The following TDRD9 variants were observed in gnomAD, a reference collection of about 807,000 sequenced individuals.
TDRD9 encodes the protein ATP-dependent RNA helicase TDRD9.
A neutral mutation model predicts 172.6 loss-of-function variants in TDRD9; 124 were observed. The ratio of observed to expected loss-of-function variants is 0.72; its 90% CI spans 0.62 to 0.83. The LOEUF is 0.83. Ranked by LOEUF, TDRD9 falls within the 40% of genes least tolerant of loss-of-function variation. The pLI, the probability that TDRD9 is intolerant of heterozygous loss-of-function variation, is 0.00. For missense variants in TDRD9, 1,479 were observed against 1,714.1 expected, an observed-to-expected ratio of 0.86 and a Z score of 2.42; for synonymous variants, 619 against 617.1, an observed-to-expected ratio of 1.00 and a Z score of -0.05.
At chr14:104,004,071 CTTA>C (rs2034351652) in intron 13 of TDRD9, among the ~76,000 whole-genome samples, 164 bp from the exon 14 acceptor site, 1 of 151,984 alleles carries the variant, frequency 6.6e-6, no homozygotes, top group South Asian at 2.1e-4. Context: ...AAAATAATAA[CTTA>C]TTAAGAATAC....
At chr14:104,047,089 A>G (rs1566807870) in intron 34 of TDRD9, among the ~76,000 whole-genome samples, 1 of 152,108 alleles carries the variant, frequency 6.6e-6, no homozygotes, top group Non-Finnish European at 1.5e-5. Flanking sequence ...TTTGGGGAGA[A>G]TTGCCATCCT....
intron 4 of TDRD9, 66 bp downstream of exon 4, chr14:103,965,620 G>T (rs1555366011): frequency 2.1e-6 from 3 of 1,403,964 alleles, no homozygotes; most frequent in African/African-American, 1.4e-5. Flanking sequence ...ATTTTATTAA[G>T]TTTTTTTCTG....
intron 20 of TDRD9, among the ~76,000 whole-genome samples, chr14:104,009,497 G>A (rs974962306): frequency 6.6e-6 from 1 of 152,200 alleles, no homozygotes; most frequent in Non-Finnish European, 1.5e-5. Flanking sequence ...GTGAGTCAGT[G>A]AGTGAGTGGT....
intron 28 of TDRD9, among the ~76,000 whole-genome samples, chr14:104,027,271 A>G (rs2035152936): frequency 6.6e-6 from 1 of 152,136 alleles, no homozygotes; most frequent in Non-Finnish European, 1.5e-5. Context: ...GTTGGTCTCA[A>G]ACTCCTGGGC....
rs1555362812 is a variant in TDRD9, at chr14:103,939,751, T to TTTTTTG, written c.215+11032_215+11033insGTTTTT. 2.9e-4 allele frequency: 23 copies of TTTTTTG among 80,040 alleles called. 2 individuals are homozygous for TTTTTTG. The highest frequency in any genetic ancestry group is 2.7e-3 in the Admixed American group (17 of 6,246). The allele number at this position is 80,040 out of a possible 1,614,324, so 5.0% of individuals were successfully genotyped here. On this transcript the variant is annotated intron_variant, in intron 1 of 35. Coordinates refer to ENST00000409874, the MANE Select transcript of TDRD9 (RefSeq NM_153046.3). ...TCTTTTTGAAAAAAAGTGTTTTTTT[T>TTTTTTG]TTTTTTTTTTTTTGAGACAAGGTCT...
chr14:103,933,264 G>A (rs1263067066), intron 1 of TDRD9, among the ~76,000 whole-genome samples: 3 of 152,224 alleles, frequency 2.0e-5, no homozygotes, highest in Admixed American at 2.0e-4. Context: ...TGTAGCACCA[G>A]CTTTCCTGTG....
intron 2 of TDRD9, among the ~76,000 whole-genome samples, chr14:103,958,513 C>G (rs2032352980): frequency 6.6e-6 from 1 of 152,136 alleles, no homozygotes; most frequent in Admixed American, 6.5e-5. Context: ...TTTGCAGATG[C>G]AAATTAAGGA....
At chr14:103,934,550 G>A (rs533904631) in intron 1 of TDRD9, among the ~76,000 whole-genome samples, 3 of 152,284 alleles carry the variant, frequency 2.0e-5, no homozygotes, top group Non-Finnish European at 4.4e-5. Context: ...AGGCCGAGGC[G>A]GGTGGATCAT....
chr14:103,998,699 CT>C lies in TDRD9; in HGVS notation c.1456del (p.Ser486LeufsTer46). ...TNYQSLRLSWASKTSCNQRKG... is the reference protein window; with the variant it reads ...TNYQSLRLSWXSKTSCNQRKG... ...TATCAGAGTCTGCGATTGAGTTGGGCTTCTAAAACCAGCTGTAATCAGAGAA... is the reference window on the plus strand; with the variant it reads ...TATCAGAGTCTGCGATTGAGTTGGGCTCTAAAACCAGCTGTAATCAGAGAA... On this transcript the variant is annotated frameshift_variant, in exon 13 of 36. Coordinates refer to ENST00000409874, the MANE Select transcript of TDRD9 (RefSeq NM_153046.3). LOFTEE classifies it high-confidence loss of function. The C allele has an allele frequency of 6.2e-7, 1 of 1,603,674 alleles. No homozygotes were observed. Among genetic ancestry groups the C allele is most frequent in the Non-Finnish European group, 8.5e-7 (1 of 1,170,650 alleles).
At chr14:104,022,474 T>C in intron 24 of TDRD9, 144 bp downstream of exon 24, 1 of 854,170 alleles carries the variant, frequency 1.2e-6, no homozygotes, top group Non-Finnish European at 1.8e-6. Flanking sequence ...ACGCCACTCA[T>C]CCAGCACTTT....
chr14:103,995,865 T>C, intron 12 of TDRD9, 58 bp downstream of exon 12: 3 of 1,421,892 alleles, frequency 2.1e-6, no homozygotes, highest in Non-Finnish European at 2.9e-6. Flanking sequence ...TTTATTGGCT[T>C]ATTCACCTCA....
rs1243714748 is a variant in TDRD9 at position 104,018,128 on chromosome 14, A to G, written c.2368A>G (p.Lys790Glu). ...HIPPYGFLYY[K>E]QLQSLFRQCG... Reference sequence around the variant, plus strand: ...TCCTCCCTATGGATTTCTTTACTATAAACAACTACAGTCTCTCTTTAGACA... The same window carrying G: ...TCCTCCCTATGGATTTCTTTACTATGAACAACTACAGTCTCTCTTTAGACA... The change falls in exon 23 of 36, where the codon AAA becomes GAA. Residue 790 changes from lysine (K) to glutamate (E), a missense_variant. Lys to Glu is a moderately conservative substitution (Grantham distance 56). This residue lies in a region of TDRD9 where 1,413 missense variants were observed against 1,649.1 expected (regional missense o/e 0.86). Coordinates refer to ENST00000409874, the MANE Select transcript of TDRD9 (RefSeq NM_153046.3). 1 of 1,608,040 alleles carries G rather than the reference A, an allele frequency of 6.2e-7. No homozygotes were observed. The highest frequency in any genetic ancestry group is 2.2e-5 in the East Asian group (1 of 44,828).
intron 2 of TDRD9, 114 bp from the exon 3 acceptor site, chr14:103,962,965 A>AGTGTGTGT (rs55873775): frequency 0.023 from 9,314 of 404,494 alleles, 426 homozygotes; most frequent in Admixed American, 0.12. Context: ...TTTGTATTTG[A>AGTGTGTGT]GTGTGTGTGT....
intron 32 of TDRD9, among the ~76,000 whole-genome samples, chr14:104,039,535 G>C (rs2035549955): frequency 6.6e-6 from 1 of 152,222 alleles, no homozygotes; most frequent in East Asian, 1.9e-4. Flanking sequence ...GTGCTATATG[G>C]AGAAAAGATT....
At chr14:104,047,475 G>A (rs931774035) in intron 34 of TDRD9, among the ~76,000 whole-genome samples, 2 of 151,898 alleles carry the variant, frequency 1.3e-5, no homozygotes, top group African/African-American at 4.8e-5. Flanking sequence ...TATTAATATA[G>A]CTACCCCAGC....
chr14:103,958,985 T>G (rs2032375869), intron 2 of TDRD9, among the ~76,000 whole-genome samples: 1 of 152,202 alleles, frequency 6.6e-6, no homozygotes. Context: ...TTCCATGCTT[T>G]TCTTGGGATG....
chr14:103,972,305 T>TA (rs11312685), intron 6 of TDRD9, among the ~76,000 whole-genome samples: 49 of 148,838 alleles, frequency 3.3e-4, no homozygotes, highest in African/African-American at 5.4e-4. Context: ...AGACTGCATT[T>TA]AAAAAAAAAA....
At chr14:103,930,848 G>T (rs1211077889) in intron 1 of TDRD9, among the ~76,000 whole-genome samples, 1 of 152,178 alleles carries the variant, frequency 6.6e-6, no homozygotes, top group Non-Finnish European at 1.5e-5. Flanking sequence ...GACCTTGTCA[G>T]AAAGTATAGA....
At chr14:103,988,003 T>C (rs1024233895) in intron 8 of TDRD9, among the ~76,000 whole-genome samples, 1 of 152,226 alleles carries the variant, frequency 6.6e-6, no homozygotes, top group Non-Finnish European at 1.5e-5. Flanking sequence ...AAAATGCACC[T>C]CTTATCTCTC....
Sources: gnomAD v4.1 joint callset for allele counts (sites outside exome capture counted in the v4.1 genomes callset) on GRCh38, gnomAD v4.1.1 for gene constraint, gnomAD v4.1.1 regional missense constraint, MANE v1.5 for transcripts, NCBI Gene and HGNC (gene_info 2026-07-23, HGNC 2026-07-21) for gene names.